The following DSCAML1 variants were observed in gnomAD, a reference collection of about 807,000 sequenced individuals.
DSCAML1 encodes the protein DS cell adhesion molecule like 1.
A neutral mutation model predicts 200.5 loss-of-function variants in DSCAML1; 38 were observed. The ratio of observed to expected loss-of-function variants is 0.19; its 90% CI spans 0.15 to 0.25. DSCAML1 has a LOEUF of 0.25. Among genes scored for constraint, DSCAML1 ranks in the 10% least tolerant of loss-of-function variants. The probability of loss-of-function intolerance (pLI) is 1.00; values close to 1 mark genes in which losing one functional copy is unlikely to be tolerated. For missense variants in DSCAML1, 2,223 were observed against 2,858.8 expected, an observed-to-expected ratio of 0.78 and a Z score of 5.07; for synonymous variants, 1,215 against 1,165.0, an observed-to-expected ratio of 1.04 and a Z score of -0.87.
chr11:117,685,591 C>G (rs904222814), intron 3 of DSCAML1, among the ~76,000 whole-genome samples: 2 of 152,156 alleles, frequency 1.3e-5, no homozygotes, highest in Non-Finnish European at 2.9e-5. Context: ...CGGGTGCCTA[C>G]AAATATTCCA....
intron 3 of DSCAML1, among the ~76,000 whole-genome samples, chr11:117,588,541 T>C (rs1358835831): frequency 6.6e-6 from 1 of 152,158 alleles, no homozygotes; most frequent in African/African-American, 2.4e-5. Flanking sequence ...TTGTAGGTTA[T>C]CATGCAAACA....
chr11:117,498,117 C>T lies in DSCAML1; in HGVS notation c.2359+5728G>A, dbSNP rs886703831. Among the ~76,000 whole-genome samples the T allele has an allele frequency of 4.6e-5, 7 of 152,190 alleles. No homozygotes were observed. The highest frequency in any genetic ancestry group is 2.0e-4 in the Admixed American group (3 of 15,280). On this transcript the variant is annotated intron_variant, in intron 11 of 32. Coordinates refer to ENST00000651296, the MANE Select transcript of DSCAML1 (RefSeq NM_020693.4). This position sits in a 1 kb window ranked among gnomAD's most constrained non-coding sequence, Gnocchi z 4.0. Reference sequence around the variant, plus strand: ...AAGTGAGAGTTCCCACCCAGGGAGGCGAAGACCAGCCCCAGCCCCCAAGGA... The same window carrying T: ...AAGTGAGAGTTCCCACCCAGGGAGGTGAAGACCAGCCCCAGCCCCCAAGGA...
chr11:117,438,172 TC>T, intron 24 of DSCAML1, 89 bp from the exon 25 acceptor site: 1 of 1,320,562 alleles, frequency 7.6e-7, no homozygotes. Context: ...GGGGCTGGGC[TC>T]CAGGCAGGGG....
At chr11:117,699,762 A>G (rs1181579099) in intron 3 of DSCAML1, among the ~76,000 whole-genome samples, 2 of 152,238 alleles carry the variant, frequency 1.3e-5, no homozygotes, top group Non-Finnish European at 2.9e-5. Flanking sequence ...ACTTTCTCCC[A>G]GTAAGTCAGC....
At chr11:117,615,546 G>T (rs755742814) in intron 3 of DSCAML1, among the ~76,000 whole-genome samples, 1 of 152,032 alleles carries the variant, frequency 6.6e-6, no homozygotes, top group Non-Finnish European at 1.5e-5. Context: ...TGGTCTTCAG[G>T]GGCAGTTTTA....
rs752912901 is a variant in DSCAML1 at position 117,516,485 on chromosome 11, C to T, written c.1765G>A (p.Val589Ile). 2.7e-5 allele frequency: 43 copies of T among 1,613,444 alleles called. No homozygotes were observed. Among genetic ancestry groups the T allele is most frequent in the Admixed American group, 8.3e-5 (5 of 59,984 alleles). Residue 589 changes from valine (V) to isoleucine (I), a missense_variant, in exon 8 of 33, where the codon GTT becomes ATT. By Grantham distance (29) the Val-to-Ile change is conservative. Around this residue, in one of 7 missense-constraint regions of DSCAML1, gnomAD observed 212 missense variants for 368.0 expected, o/e 0.58. Transcript: ENST00000651296. This position sits in a 1 kb window ranked among gnomAD's most constrained non-coding sequence, Gnocchi z 5.7. ...GGCCTACCTTTGACGGCTACGTGAA[C>T]GCTCTGGCTGATGGAGAGCTGGGGC... Reference protein sequence around the residue: ...IQPQLSISQSVHVAVKVPPLI... With the variant: ...IQPQLSISQSIHVAVKVPPLI...
chr11:117,632,410 C>T (rs768069009), intron 3 of DSCAML1, among the ~76,000 whole-genome samples: 3 of 152,188 alleles, frequency 2.0e-5, no homozygotes, highest in Non-Finnish European at 2.9e-5. Context: ...CCTGTAGGCA[C>T]CTGAAGACAG....
chr11:117,798,804 G>A (rs375033983), upstream of DSCAML1, among the ~76,000 whole-genome samples: 45 of 152,182 alleles, frequency 3.0e-4, 1 homozygote, highest in African/African-American at 4.1e-4. Context: ...CTTGTTCAAG[G>A]CCACCAAGGT....
At chr11:117,613,285 CA>C (rs1449706817) in intron 3 of DSCAML1, among the ~76,000 whole-genome samples, 1 of 151,938 alleles carries the variant, frequency 6.6e-6, no homozygotes, top group Admixed American at 6.5e-5. Context: ...GAAAAAGACA[CA>C]AGGGTGCTCT....
At chr11:117,769,205 TATATATTTTATATATATTGTATATA>T (rs1217146777) in intron 3 of DSCAML1, among the ~76,000 whole-genome samples, 9 of 39,898 alleles carry the variant, frequency 2.3e-4, no homozygotes, top group Non-Finnish European at 5.0e-4. Flanking sequence ...TTATATATAT[TATATATTTTATATATATTGTATATA>T]TTATATATTT....
intron 3 of DSCAML1, among the ~76,000 whole-genome samples, chr11:117,549,792 G>T (rs2050438539): frequency 6.6e-6 from 1 of 152,202 alleles, no homozygotes; most frequent in Non-Finnish European, 1.5e-5. Context: ...TCAAATAGCA[G>T]AGGCAATTCA....
rs942735253 is a variant in DSCAML1, at chr11:117,541,012, C to T, written c.512-8490G>A. Among the ~76,000 whole-genome samples, 8 of 152,304 alleles carry T rather than the reference C, an allele frequency of 5.3e-5. No individual in the cohort carries two copies. The East Asian group carries it at 1.5e-3, about 29-fold the overall frequency. On this transcript the variant is annotated intron_variant, in intron 3 of 32. Transcript: ENST00000651296. ...ACCATCCTTAAGAACCTTTCTCCCCCAGCGATTTAGAAGTTCACGGCTTAA... is the reference window on the plus strand; with the variant it reads ...ACCATCCTTAAGAACCTTTCTCCCCTAGCGATTTAGAAGTTCACGGCTTAA...
intron 11 of DSCAML1, among the ~76,000 whole-genome samples, chr11:117,486,938 T>C (rs1273279256): frequency 7.5e-6 from 1 of 133,286 alleles, no homozygotes; most frequent in Non-Finnish European, 1.5e-5. Flanking sequence ...TTTTTTTTTT[T>C]TTTGAGACAG....
At chr11:117,725,430 C>T (rs555552183) in intron 3 of DSCAML1, among the ~76,000 whole-genome samples, 4 of 152,304 alleles carry the variant, frequency 2.6e-5, no homozygotes, top group South Asian at 2.1e-4. Flanking sequence ...TTCTGCCCTC[C>T]GACCCTCCTG....
intron 3 of DSCAML1, among the ~76,000 whole-genome samples, chr11:117,737,566 G>T (rs1379818717): frequency 6.6e-6 from 1 of 152,196 alleles, no homozygotes; most frequent in Non-Finnish European, 1.5e-5. Flanking sequence ...GCCCCAGGTG[G>T]CCATGTTCCT....
intron 3 of DSCAML1, among the ~76,000 whole-genome samples, chr11:117,653,800 A>G (rs974208480): frequency 6.6e-6 from 1 of 152,216 alleles, no homozygotes; most frequent in Non-Finnish European, 1.5e-5. Flanking sequence ...AGGGAGAAAC[A>G]ACCAAAATGT....
chr11:117,785,579 G>A (rs185135161), intron 1 of DSCAML1, among the ~76,000 whole-genome samples: 1 of 152,246 alleles, frequency 6.6e-6, no homozygotes, highest in African/African-American at 2.4e-5. Context: ...GGGGATATGT[G>A]GAGGTTTGCA....
At position 117,433,250 on chromosome 11, in the gene DSCAML1, G is replaced by A; in HGVS notation, c.4914C>T (p.Asn1638=). The change falls in exon 29 of 33, where the codon AAC becomes AAT. Residue 1638 remains asparagine (N), a synonymous_variant. Coordinates refer to ENST00000651296, the MANE Select transcript of DSCAML1 (RefSeq NM_020693.4). The stretch of plus-strand genomic sequence containing the variant: ...TCACAGGGGTGTCAAAGCTTCTATT[G>A]TTCTTGCTGTGGGGAGAAAGACTGG... ...KSLAEMLISK[N]NRSFDTPVKG... is the part of the protein sequence containing the mutation. 3 of 1,609,180 alleles carry A rather than the reference G, an allele frequency of 1.9e-6. No homozygotes were observed. The highest frequency in any genetic ancestry group is 2.5e-6 in the Non-Finnish European group (3 of 1,177,518).
intron 3 of DSCAML1, among the ~76,000 whole-genome samples, chr11:117,567,411 C>G (rs1219711115): frequency 1.3e-5 from 2 of 152,106 alleles, no homozygotes; most frequent in Non-Finnish European, 2.9e-5. Context: ...CCTTCACCCA[C>G]TTTTTGATGG....
Sources: gnomAD v4.1 joint callset for allele counts (sites outside exome capture counted in the v4.1 genomes callset) on GRCh38, gnomAD v4.1.1 for gene constraint, gnomAD v4.1.1 regional missense constraint, Gnocchi (gnomAD v3.1) non-coding constraint, MANE v1.5 for transcripts, NCBI Gene and HGNC (gene_info 2026-07-23, HGNC 2026-07-21) for gene names.